The following CACNB4 variants were observed in gnomAD, a reference collection of about 807,000 sequenced individuals.
The protein encoded by CACNB4 is voltage-dependent L-type calcium channel subunit beta-4.
In CACNB4, 32 loss-of-function variants were observed where a neutral mutation model predicts 71.2. The ratio of observed to expected loss-of-function variants is 0.45; its 90% confidence interval spans 0.34 to 0.60. The LOEUF is 0.60. Among genes scored for constraint, CACNB4 ranks in the 20% least tolerant of loss-of-function variants. The probability of loss-of-function intolerance (pLI) is 0.01; values close to 1 mark genes in which losing one functional copy is unlikely to be tolerated. For synonymous variants in CACNB4, 231 were observed against 236.9 expected, an observed-to-expected ratio of 0.97 and a Z score of 0.23; for missense variants, 464 against 647.9, an observed-to-expected ratio of 0.72 and a Z score of 3.08.
chr2:151,843,684 T>A lies in CACNB4; in HGVS notation c.1117-1596A>T, dbSNP rs144608997. Among the ~76,000 whole-genome samples the A allele has an allele frequency of 1.9e-3, 295 of 152,304 alleles. 1 individual carries two copies. Among genetic ancestry groups the A allele is most frequent in the African/African-American group, 7.0e-3 (289 of 41,556 alleles). ...TTCATCTGCTTTTATGAACTCATTT[T>A]ACCAAAATAAGAACCTCCCAGGAAT... is the stretch of plus-strand genomic sequence containing the variant. On this transcript the variant is annotated intron_variant, in intron 12 of 13. Transcript: ENST00000539935.
Position 151,838,304 on chromosome 2 carries a change from TTCTC to T in CACNB4, c.*811_*814del, listed in dbSNP as rs1372181191. On this transcript the variant is annotated 3_prime_UTR_variant, in exon 14 of 14. Coordinates refer to ENST00000539935, the MANE Select transcript of CACNB4 (RefSeq NM_000726.5). ...GCTATGCTTGGGCCTCTCTTTACTA[TTCTC>T]TCTCACTGCTGAAAAAAATTTGAGG... 2 of 152,664 alleles carry T rather than the reference TTCTC, an allele frequency of 1.3e-5. No homozygotes were observed. The highest frequency in any genetic ancestry group is 2.9e-5 in the Non-Finnish European group (2 of 68,038). The allele number at this position is 152,664 out of a possible 1,614,324, so 9.5% of individuals were successfully genotyped here.
chr2:152,050,294 T>C (rs1685355859), intron 2 of CACNB4, among the ~76,000 whole-genome samples: 1 of 152,180 alleles, frequency 6.6e-6, no homozygotes. Context: ...TCATCTGCTA[T>C]TGATGAAGCG....
intron 2 of CACNB4, among the ~76,000 whole-genome samples, chr2:152,064,518 T>C (rs940408739): frequency 1.3e-5 from 2 of 152,110 alleles, no homozygotes; most frequent in Non-Finnish European, 2.9e-5. Context: ...GTAGCTGGGA[T>C]TACAGGCACG....
At chr2:152,061,373 A>C (rs1686005432) in intron 2 of CACNB4, among the ~76,000 whole-genome samples, 1 of 152,160 alleles carries the variant, frequency 6.6e-6, no homozygotes, top group South Asian at 2.1e-4. Context: ...GAAAAGAGGT[A>C]ATTAGTATTG....
At chr2:152,029,824 C>T (rs1684183187) in intron 2 of CACNB4, among the ~76,000 whole-genome samples, 1 of 152,168 alleles carries the variant, frequency 6.6e-6, no homozygotes, top group African/African-American at 2.4e-5. Flanking sequence ...AAGAAGGCAC[C>T]ATCCATGAAC....
intron 2 of CACNB4, among the ~76,000 whole-genome samples, chr2:152,061,075 A>G (rs1265311820): frequency 1.3e-5 from 2 of 152,208 alleles, no homozygotes; most frequent in Non-Finnish European, 2.9e-5. Flanking sequence ...TGGGAGGCTC[A>G]GGTGGGAGGA....
intron 2 of CACNB4, among the ~76,000 whole-genome samples, chr2:152,020,305 C>T (rs2105120695): frequency 6.6e-6 from 1 of 152,346 alleles, no homozygotes; most frequent in East Asian, 1.9e-4. Context: ...TTCCCCTATT[C>T]TTCCAGGATT....
At chr2:152,084,138 T>C (rs1025585708) in intron 2 of CACNB4, among the ~76,000 whole-genome samples, 4 of 152,128 alleles carry the variant, frequency 2.6e-5, no homozygotes, top group Admixed American at 2.6e-4. Context: ...AGGTTTTAGG[T>C]GCAGTTCGGG....
At chr2:151,883,008 T>C in intron 3 of CACNB4, 2 of 482,888 alleles carry the variant, frequency 4.1e-6, no homozygotes, top group Middle Eastern at 6.1e-4. Flanking sequence ...ATTGCTAAGT[T>C]GGAAGACGAC....
intron 2 of CACNB4, among the ~76,000 whole-genome samples, chr2:152,011,645 G>C (rs972005125): frequency 4.6e-5 from 7 of 152,146 alleles, no homozygotes; most frequent in African/African-American, 2.4e-5. Context: ...GGTGTTTGAT[G>C]CTTCTTTCTT....
chr2:151,927,328 C>T (rs147971974), intron 2 of CACNB4, among the ~76,000 whole-genome samples: 3 of 152,274 alleles, frequency 2.0e-5, no homozygotes, highest in Non-Finnish European at 4.4e-5. Flanking sequence ...ATGAATCTAA[C>T]ACACAAGGGG....
intron 2 of CACNB4, among the ~76,000 whole-genome samples, chr2:152,025,468 T>C (rs563940630): frequency 6.6e-6 from 1 of 152,342 alleles, no homozygotes; most frequent in South Asian, 2.1e-4. Flanking sequence ...CAGCCTCTAT[T>C]GTAAGCATAA....
chr2:151,964,946 T>TC (rs11407554), intron 2 of CACNB4, among the ~76,000 whole-genome samples: 141,005 of 152,142 alleles, frequency 0.93, 65,673 homozygotes, highest in Middle Eastern at 0.98. Flanking sequence ...TTTTCTGTGC[T>TC]CCCTACCTTA....
chr2:151,903,905 A>T (rs556256177), intron 2 of CACNB4, among the ~76,000 whole-genome samples: 1 of 152,266 alleles, frequency 6.6e-6, no homozygotes, highest in Middle Eastern at 3.4e-3. Context: ...AAGGGCAGGT[A>T]GTGTATCTTT....
chr2:151,872,630 G>C, intron 5 of CACNB4, 137 bp from the exon 6 acceptor site: 1 of 556,812 alleles, frequency 1.8e-6, no homozygotes, highest in Non-Finnish European at 3.1e-6. Flanking sequence ...AGAATTTCAA[G>C]AATCTATCCA....
At chr2:151,940,266 A>C (rs1042897070) in intron 2 of CACNB4, among the ~76,000 whole-genome samples, 1 of 152,216 alleles carries the variant, frequency 6.6e-6, no homozygotes, top group African/African-American at 2.4e-5. Context: ...TTCAAACCAA[A>C]CAGCATGACA....
chr2:152,092,936 A>G (rs1010484700), intron 2 of CACNB4, among the ~76,000 whole-genome samples: 3 of 152,158 alleles, frequency 2.0e-5, no homozygotes, highest in Non-Finnish European at 2.9e-5. Context: ...ATAATAAAAC[A>G]GAACAATGTT....
intron 2 of CACNB4, among the ~76,000 whole-genome samples, chr2:152,027,951 G>A (rs1231425783): frequency 6.6e-6 from 1 of 151,138 alleles, no homozygotes; most frequent in Non-Finnish European, 1.5e-5. Flanking sequence ...TCTCCTCAGA[G>A]AGCTTCGATT....
chr2:152,091,536 G>A (rs1687973543), intron 2 of CACNB4, among the ~76,000 whole-genome samples: 1 of 152,148 alleles, frequency 6.6e-6, no homozygotes, highest in Non-Finnish European at 1.5e-5. Context: ...TTGGGAGGCT[G>A]AGGCAGGACC....
Sources: gnomAD v4.1 joint callset for allele counts (sites outside exome capture counted in the v4.1 genomes callset) on GRCh38, gnomAD v4.1.1 for gene constraint, MANE v1.5 for transcripts, NCBI Gene and HGNC (gene_info 2026-07-23, HGNC 2026-07-21) for gene names.